The following PLB1 variants were observed in gnomAD, a reference collection of about 807,000 sequenced individuals.
PLB1 encodes phospholipase B1, also known as phospholipase B1, membrane-associated.
PLB1 carries 242 observed loss-of-function variants against 227.4 expected under a neutral mutation model. The observed-to-expected ratio is 1.06, with a 90% CI of 0.96 to 1.18. The LOEUF is 1.18. PLB1 is among the 50% of genes most tolerant of loss of function. The pLI is 0.00. For synonymous variants in PLB1, 757 were observed against 682.2 expected (o/e 1.11, Z -1.71); for missense variants, 1,858 against 1,816.3 (o/e 1.02, Z -0.42).
At chr2:28,539,068 TACTC>T (rs773056657) in intron 10 of PLB1, 27 bp from the exon 11 acceptor site, 41 of 1,583,262 alleles carry the variant, frequency 2.6e-5, no homozygotes, top group African/African-American at 2.3e-4. Context: ...ACTTGGCAAA[TACTC>T]ACCTCCCTCT....
intron 26 of PLB1, among the ~76,000 whole-genome samples, chr2:28,587,068 G>A (rs1298825827): frequency 6.6e-6 from 1 of 152,224 alleles, no homozygotes; most frequent in Non-Finnish European, 1.5e-5. Flanking sequence ...TCTGCTGTGA[G>A]CAGGCACCTG....
intron 17 of PLB1, among the ~76,000 whole-genome samples, chr2:28,557,554 C>T (rs773027202): frequency 3.3e-5 from 5 of 152,198 alleles, no homozygotes; most frequent in Non-Finnish European, 5.9e-5. Flanking sequence ...TATAACCTTC[C>T]ATGTACAGTG....
intron 17 of PLB1, among the ~76,000 whole-genome samples, chr2:28,553,386 G>C (rs1235471952): frequency 6.6e-6 from 1 of 152,210 alleles, no homozygotes; most frequent in Non-Finnish European, 1.5e-5. Context: ...CTCACACACA[G>C]AATGCACTAA....
intron 2 of PLB1, among the ~76,000 whole-genome samples, chr2:28,518,226 C>T (rs1294411585): frequency 6.6e-6 from 1 of 152,168 alleles, no homozygotes; most frequent in African/African-American, 2.4e-5. Context: ...TCTTCCCTCT[C>T]TACTCCACTG....
chr2:28,552,428 A>G (rs1056403201), intron 16 of PLB1, among the ~76,000 whole-genome samples: 6 of 152,236 alleles, frequency 3.9e-5, no homozygotes, highest in African/African-American at 1.4e-4. Flanking sequence ...GCTGAAGTTA[A>G]TATGGTGTAG....
In PLB1 at chr2:28,582,223, G is replaced by T. The variant is rs573526429; in HGVS notation, c.1632+90G>T. 7.5e-6 allele frequency: 11 copies of T among 1,459,868 alleles called. No individual in the cohort carries two copies. The East Asian group carries it at 2.5e-4, about 33-fold the overall frequency. 90.4% of individuals were successfully genotyped at this position (1,459,868 alleles called of 1,614,324 possible). ...CATCCTGCTGAGACCTCCTTGGCAG[G>T]TCACCTTTGTTGTGGATCCCAGCCC... On this transcript the variant is annotated intron_variant, in intron 24 of 57. Coordinates refer to ENST00000327757, the MANE Select transcript of PLB1 (RefSeq NM_153021.5).
rs370892088 is a variant in PLB1, at chr2:28,577,924, C to T, written c.1434-183C>T. Among the ~76,000 whole-genome samples, 2 of 152,338 alleles carry T rather than the reference C, an allele frequency of 1.3e-5. 1 individual carries two copies. The highest frequency in any genetic ancestry group is 1.3e-4 in the Admixed American group (2 of 15,310). On this transcript the variant is annotated intron_variant, in intron 21 of 57. Coordinates refer to ENST00000327757, the MANE Select transcript of PLB1 (RefSeq NM_153021.5). Reference sequence around the variant, plus strand: ...CTGGCCTTCCCAAGCACAGTCACCACCCCACACCCCCGCAGTGGAGCCTGA... The same window carrying T: ...CTGGCCTTCCCAAGCACAGTCACCATCCCACACCCCCGCAGTGGAGCCTGA...
At chr2:28,541,180 ATAAAT>A (rs879490145) in intron 12 of PLB1, among the ~76,000 whole-genome samples, 2,898 of 58,286 alleles carry the variant, frequency 0.05, 44 homozygotes, top group South Asian at 0.14. Flanking sequence ...TCAAAAATAA[ATAAAT>A]TAAATAAATA....
intron 1 of PLB1, among the ~76,000 whole-genome samples, chr2:28,501,727 A>G (rs979489314): frequency 1.3e-5 from 2 of 152,084 alleles, no homozygotes; most frequent in African/African-American, 4.8e-5. Context: ...AAGATAACCT[A>G]CTATACATGT....
chr2:28,642,808 T>C, intron 57 of PLB1, 50 bp from the exon 58 acceptor site: 1 of 1,481,360 alleles, frequency 6.8e-7, no homozygotes, highest in Non-Finnish European at 9.2e-7. Context: ...GGCTTGGTGA[T>C]GGATGGTTCA....
rs72863353 is a variant in PLB1, at chr2:28,582,447, G to A, written c.1675G>A (p.Val559Ile). 5,209 of 1,613,070 alleles carry A rather than the reference G, an allele frequency of 3.2e-3. 105 individuals are homozygous for A. The South Asian group carries it at 0.037, about 11-fold the overall frequency. ...FVNLVTVLEI[V>I]NLRELYQEKK... ...GAACCTGGTGACGGTGCTTGAGATC[G>A]TCAACCTGAGGGAGCTGTACCAGGA... The change falls in exon 25 of 58, where the codon GTC becomes ATC. Residue 559 changes from valine (V) to isoleucine (I), a missense_variant. Physicochemically the swap from Val to Ile is conservative, Grantham distance 29 (BLOSUM62 3). Transcript: ENST00000327757.
chr2:28,527,381 A>T (rs948348014), intron 6 of PLB1, among the ~76,000 whole-genome samples: 2 of 152,186 alleles, frequency 1.3e-5, no homozygotes, highest in Non-Finnish European at 2.9e-5. Context: ...CCACAGCTGC[A>T]AGCTCAGCTG....
chr2:28,556,820 A>G (rs1313816714), intron 17 of PLB1, among the ~76,000 whole-genome samples: 1 of 152,242 alleles, frequency 6.6e-6, no homozygotes, highest in African/African-American at 2.4e-5. Flanking sequence ...CACCAATAGT[A>G]TAAACCAGAA....
At chr2:28,637,350 C>T (rs952848697) in intron 56 of PLB1, among the ~76,000 whole-genome samples, 9 of 151,496 alleles carry the variant, frequency 5.9e-5, no homozygotes, top group African/African-American at 1.5e-4. Flanking sequence ...AGTGCCTGAC[C>T]GGGCTTATCC....
At chr2:28,525,360 C>G (rs1409877410) in intron 5 of PLB1, 53 bp downstream of exon 5, 3 of 1,564,204 alleles carry the variant, frequency 1.9e-6, no homozygotes, top group Non-Finnish European at 2.6e-6. Flanking sequence ...ATGCTCCCAT[C>G]TAATCTTCTT....
chr2:28,632,858 G>A, intron 55 of PLB1, 86 bp from the exon 56 acceptor site: 1 of 932,610 alleles, frequency 1.1e-6, no homozygotes, highest in Admixed American at 1.9e-5. Flanking sequence ...AAGGAGACAT[G>A]CCCAGGGCAC....
chr2:28,498,375 A>T (rs1214587870), intron 1 of PLB1, among the ~76,000 whole-genome samples: 1 of 148,442 alleles, frequency 6.7e-6, no homozygotes, highest in Non-Finnish European at 1.5e-5. Flanking sequence ...ACACCCACTC[A>T]GGTTATATAA....
chr2:28,625,794 C>A (rs1687672751), intron 50 of PLB1, among the ~76,000 whole-genome samples: 1 of 152,060 alleles, frequency 6.6e-6, no homozygotes, highest in South Asian at 2.1e-4. Flanking sequence ...ATTTAATGGG[C>A]CAAGGATATG....
intron 19 of PLB1, 122 bp downstream of exon 19, chr2:28,565,475 C>A: frequency 2.4e-6 from 2 of 817,334 alleles, no homozygotes; most frequent in Non-Finnish European, 3.8e-6. Flanking sequence ...TTTTCTATGA[C>A]CAACTTCTAG....
Sources: allele counts gnomAD v4.1 joint callset (sites outside exome capture counted in the v4.1 genomes callset), GRCh38; gene constraint gnomAD v4.1.1; transcripts MANE v1.5; gene names NCBI Gene and HGNC (gene_info 2026-07-23, HGNC 2026-07-21).